Variants in AAK1 observed in about 807,000 individuals in gnomAD.
The protein encoded by AAK1 is AP2-associated protein kinase 1.
In AAK1, 37 loss-of-function variants were observed where a neutral mutation model predicts 116.0. The ratio of observed to expected loss-of-function variants is 0.32; its 90% CI spans 0.25 to 0.42. The LOEUF is 0.42. AAK1 is among the 10% of genes least tolerant of loss of function. The pLI is 1.00. For synonymous variants in AAK1, 458 were observed against 439.9 expected (o/e 1.04, Z -0.51); for missense variants, 919 against 1,170.6 (o/e 0.79, Z 3.14).
chr2:69,507,750 A>G (rs371118923), intron 14 of AAK1, among the ~76,000 whole-genome samples, 172 bp from the exon 15 acceptor site: 2 of 144,030 alleles, frequency 1.4e-5, no homozygotes, highest in African/African-American at 5.2e-5. Flanking sequence ...TCTTTCACCC[A>G]CGTTGGAGCA....
intron 2 of AAK1, among the ~76,000 whole-genome samples, chr2:69,557,215 A>G (rs965905737): frequency 1.3e-5 from 2 of 152,212 alleles, no homozygotes; most frequent in African/African-American, 2.4e-5. Flanking sequence ...ATCTTAGGAT[A>G]ACAAAAGAAT....
Position 69,509,380 on chromosome 2 carries a change from G to A in AAK1, c.1857C>T (p.Leu619=). 5 of 1,613,986 alleles carry A rather than the reference G, an allele frequency of 3.1e-6. No individual in the cohort carries two copies. Among genetic ancestry groups the A allele is most frequent in the Non-Finnish European group, 4.2e-6 (5 of 1,179,884 alleles). ...GGGTTTTGGGGGATGAGGGTGGAGT[G>A]AGAGATCCAACTTTCTGCCCCTGGA... The part of the protein sequence containing the change: ...PAVQGQKVGS[L]TPPSSPKTQR... The change falls in exon 14 of 22, where the codon CTC becomes CTT. Residue 619 remains leucine, a synonymous_variant. Coordinates refer to ENST00000409085, the MANE Select transcript of AAK1 (RefSeq NM_014911.5).
At chr2:69,595,503 C>CT (rs1228395883) in intron 2 of AAK1, among the ~76,000 whole-genome samples, 1 of 152,212 alleles carries the variant, frequency 6.6e-6, no homozygotes, top group African/African-American at 2.4e-5. Context: ...AAAACATTCC[C>CT]TTACGCCAAA....
At chr2:69,592,913 C>G (rs1024588666) in intron 2 of AAK1, among the ~76,000 whole-genome samples, 1 of 152,174 alleles carries the variant, frequency 6.6e-6, no homozygotes, top group African/African-American at 2.4e-5. Flanking sequence ...GTGTTAAGTT[C>G]TTCTCTTACA....
chr2:69,528,462 C>G (rs1394582438), intron 8 of AAK1, among the ~76,000 whole-genome samples: 1 of 152,076 alleles, frequency 6.6e-6, no homozygotes, highest in Non-Finnish European at 1.5e-5. Context: ...ACTATGGTGA[C>G]AGTGATGTTC....
intron 16 of AAK1, among the ~76,000 whole-genome samples, chr2:69,503,409 G>A (rs1248343882): frequency 6.6e-6 from 1 of 152,204 alleles, no homozygotes; most frequent in African/African-American, 2.4e-5. Flanking sequence ...CACATTCATT[G>A]CTGAAGTGTT....
intron 19 of AAK1, 45 bp downstream of exon 19, chr2:69,480,815 C>A: frequency 6.6e-7 from 1 of 1,514,962 alleles, no homozygotes. Flanking sequence ...CTCAGAGGTT[C>A]ACCACACCGA....
At chr2:69,498,615 C>T (rs1285548838) in intron 16 of AAK1, among the ~76,000 whole-genome samples, 1 of 152,170 alleles carries the variant, frequency 6.6e-6, no homozygotes, top group Admixed American at 6.5e-5. Flanking sequence ...CAGCAGCCAC[C>T]TCTGCCACCC....
At chr2:69,612,617 A>G (rs1397350122) in intron 2 of AAK1, among the ~76,000 whole-genome samples, 2 of 152,224 alleles carry the variant, frequency 1.3e-5, no homozygotes, top group African/African-American at 4.8e-5. Context: ...GGTTCTTTCT[A>G]GCATCTTCTC....
At chr2:69,570,809 G>A (rs1288213236) in intron 2 of AAK1, among the ~76,000 whole-genome samples, 1 of 152,162 alleles carries the variant, frequency 6.6e-6, no homozygotes, top group Admixed American at 6.5e-5. Flanking sequence ...TTAATATGAT[G>A]TACAAGGCCA....
At chr2:69,636,431 TTAGCTAATGA>T (rs1263596396) in intron 2 of AAK1, among the ~76,000 whole-genome samples, 1 of 152,244 alleles carries the variant, frequency 6.6e-6, no homozygotes, top group Non-Finnish European at 1.5e-5. Flanking sequence ...ACTTCAGATA[TTAGCTAATGA>T]TAGCAGGACA....
At chr2:69,545,247 C>G (rs1173609064) in intron 3 of AAK1, among the ~76,000 whole-genome samples, 1 of 152,062 alleles carries the variant, frequency 6.6e-6, no homozygotes, top group Admixed American at 6.5e-5. Context: ...GTGTCAGGAC[C>G]CATCTAGGAA....
intron 16 of AAK1, among the ~76,000 whole-genome samples, chr2:69,497,813 G>C (rs1031027636): frequency 1.3e-5 from 2 of 152,092 alleles, no homozygotes; most frequent in African/African-American, 4.8e-5. Context: ...GCTTCCCCCA[G>C]TGGTGATGTC....
intron 3 of AAK1, among the ~76,000 whole-genome samples, chr2:69,551,922 A>G (rs1256559183): frequency 6.6e-6 from 1 of 152,230 alleles, no homozygotes; most frequent in Non-Finnish European, 1.5e-5. Flanking sequence ...TTTGGATGCA[A>G]CGTGCCCGTT....
rs781073024 is a variant in AAK1, at chr2:69,556,911, A to G, written c.231T>C (p.Phe77=). The G allele has an allele frequency of 5.6e-6, 9 of 1,613,886 alleles. No individual in the cohort carries two copies. In the Admixed American group the frequency reaches 1.5e-4, roughly 27 times the overall value. ...CCTGGAGATCATGCTCATTGTTGAC[A>G]AACATGCGTTTCAAGGCACATTTCA... The part of the protein sequence containing the change: ...NGMKCALKRM[F]VNNEHDLQVC... The change falls in exon 3 of 22, where the codon TTT becomes TTC. Residue 77 remains phenylalanine, a synonymous_variant. Transcript: ENST00000409085.
At chr2:69,513,410 C>G (rs1676464541) in intron 13 of AAK1, among the ~76,000 whole-genome samples, 1 of 152,082 alleles carries the variant, frequency 6.6e-6, no homozygotes, top group Non-Finnish European at 1.5e-5. Flanking sequence ...AGCTCCACCT[C>G]CCGGGTTCAC....
chr2:69,546,085 G>A (rs1361743985), intron 3 of AAK1, among the ~76,000 whole-genome samples: 1 of 151,132 alleles, frequency 6.6e-6, no homozygotes, highest in Non-Finnish European at 1.5e-5. Context: ...TCAAGGGACT[G>A]GTCTTAGGGT....
intron 10 of AAK1, 58 bp downstream of exon 10, chr2:69,524,975 C>T (rs1235397227): frequency 9.4e-6 from 14 of 1,495,316 alleles, no homozygotes; most frequent in African/African-American, 2.8e-5. Flanking sequence ...ACACAGGCAT[C>T]ATTCCCTGCT....
intron 17 of AAK1, among the ~76,000 whole-genome samples, chr2:69,490,712 T>C (rs1558904740): frequency 6.6e-6 from 1 of 151,916 alleles, no homozygotes; most frequent in African/African-American, 2.4e-5. Flanking sequence ...GTTTCACAAG[T>C]TGAAAAAAGG....
Sources: gnomAD v4.1 joint callset for allele counts (sites outside exome capture counted in the v4.1 genomes callset) on GRCh38, gnomAD v4.1.1 for gene constraint, MANE v1.5 for transcripts, NCBI Gene and HGNC (gene_info 2026-07-23, HGNC 2026-07-21) for gene names.